The following FGGY variants were observed in gnomAD, a reference collection of about 807,000 sequenced individuals.
FGGY encodes FGGY carbohydrate kinase domain-containing protein.
A neutral mutation model predicts 71.3 loss-of-function variants in FGGY; 72 were observed. The observed-to-expected ratio is 1.01, with a 90% confidence interval of 0.84 to 1.23. The LOEUF is 1.23. Among genes scored for constraint, FGGY ranks in the 50% most tolerant of loss-of-function variants. The pLI, the probability that FGGY is intolerant of heterozygous loss-of-function variation, is 0.00. For missense variants in FGGY, 668 were observed against 682.3 expected, an observed-to-expected ratio of 0.98 and a Z score of 0.23; for synonymous variants, 251 against 250.3, an observed-to-expected ratio of 1.00 and a Z score of -0.02.
Position 59,408,484 on chromosome 1 carries a change from A to G in FGGY, c.554+29647A>G, listed in dbSNP as rs188981243. 3.3e-3 allele frequency among the ~76,000 whole-genome samples: 510 copies of G among 152,272 alleles called. 1 individual carries two copies. The highest frequency in any genetic ancestry group is 0.011 in the African/African-American group (476 of 41,556). On this transcript the variant is annotated intron_variant, in intron 5 of 15. Coordinates refer to ENST00000303721, the MANE Select transcript of FGGY (RefSeq NM_018291.5). ...AAACATAACAGCATTTCAAAGGCTT[A>G]TCTTAGCTATTCTTATTCATACCTG...
chr1:59,326,703 C>G (rs1157446965), intron 2 of FGGY, among the ~76,000 whole-genome samples: 2 of 152,018 alleles, frequency 1.3e-5, no homozygotes, highest in Non-Finnish European at 2.9e-5. Context: ...TTTCTTTTCT[C>G]TATTCTTGCA....
intron 9 of FGGY, among the ~76,000 whole-genome samples, chr1:59,625,476 T>C (rs1447207015): frequency 6.6e-6 from 1 of 151,954 alleles, no homozygotes; most frequent in Non-Finnish European, 1.5e-5. Flanking sequence ...TAACTGAGAG[T>C]TTCAAAAAAT....
intron 11 of FGGY, among the ~76,000 whole-genome samples, chr1:59,659,394 T>C (rs1035697996): frequency 1.3e-5 from 2 of 152,222 alleles, no homozygotes; most frequent in African/African-American, 4.8e-5. Flanking sequence ...TGTCCATACC[T>C]GGTTGAGCTC....
chr1:59,579,168 G>A (rs1002988670), intron 8 of FGGY, among the ~76,000 whole-genome samples: 7 of 152,124 alleles, frequency 4.6e-5, no homozygotes, highest in East Asian at 1.9e-4. Flanking sequence ...GCACAGCTGC[G>A]CCCTCCCTTC....
intron 6 of FGGY, among the ~76,000 whole-genome samples, chr1:59,498,508 C>T (rs1433576649): frequency 6.6e-6 from 1 of 152,064 alleles, no homozygotes; most frequent in Non-Finnish European, 1.5e-5. Flanking sequence ...TTCAGAAGCT[C>T]CCTAGGTGAC....
At chr1:59,387,943 C>T (rs1004880947) in intron 5 of FGGY, among the ~76,000 whole-genome samples, 1 of 152,170 alleles carries the variant, frequency 6.6e-6, no homozygotes. Context: ...GGGCCACTCA[C>T]TCTTTCTTGC....
At chr1:59,648,604 T>C (rs1277504744) in intron 11 of FGGY, among the ~76,000 whole-genome samples, 2 of 149,358 alleles carry the variant, frequency 1.3e-5, no homozygotes, top group East Asian at 1.9e-4. Context: ...TTGTTTGTTT[T>C]TTTCTTGTAA....
chr1:59,584,853 A>G (rs1325388791), intron 8 of FGGY, among the ~76,000 whole-genome samples: 9 of 150,062 alleles, frequency 6.0e-5, no homozygotes, highest in African/African-American at 2.0e-4. Flanking sequence ...TGCAAAAATC[A>G]CAAGCATTCT....
Position 59,503,307 on chromosome 1 carries a change from T to C in FGGY, c.671-9004T>C, listed in dbSNP as rs1320563221. Among the ~76,000 whole-genome samples the C allele has an allele frequency of 4.6e-5, 7 of 152,122 alleles. No individual in the cohort carries two copies. The East Asian group carries it at 1.2e-3, about 25-fold the overall frequency. On this transcript the variant is annotated intron_variant, in intron 6 of 15. Transcript: ENST00000303721. Reference sequence around the variant, plus strand: ...AAGAAGAGCAGTGACTAAAAGCTCATAGGTTTTGATAAATGGGCACTATTA... The same window carrying C: ...AAGAAGAGCAGTGACTAAAAGCTCACAGGTTTTGATAAATGGGCACTATTA...
At chr1:59,592,913 T>C (rs1054505530) in intron 8 of FGGY, among the ~76,000 whole-genome samples, 1 of 152,098 alleles carries the variant, frequency 6.6e-6, no homozygotes, top group African/African-American at 2.4e-5. Flanking sequence ...TGTGCACATG[T>C]ACCCTAGAAC....
At chr1:59,367,707 A>G (rs1453127538) in intron 4 of FGGY, among the ~76,000 whole-genome samples, 2 of 152,154 alleles carry the variant, frequency 1.3e-5, no homozygotes, top group Non-Finnish European at 2.9e-5. Context: ...AAGCAGCAGA[A>G]ACCTCACAGC....
rs188168027 is a variant in FGGY at position 59,465,935 on chromosome 1, G to A, written c.670+8859G>A. ...CATGAAAATTGCCATACTGCCCAAG[G>A]TAATTTATAGATTCCATGCCATTCC... On this transcript the variant is annotated intron_variant, in intron 6 of 15. Coordinates refer to ENST00000303721, the MANE Select transcript of FGGY (RefSeq NM_018291.5). Among the ~76,000 whole-genome samples, 142 of 152,158 alleles carry A rather than the reference G, an allele frequency of 9.3e-4. 1 individual carries two copies. The highest frequency in any genetic ancestry group is 3.2e-3 in the African/African-American group (131 of 41,514).
chr1:59,297,335 G>T lies in FGGY; in HGVS notation c.-15+185G>T, dbSNP rs529712971. ...AGGACATTTTCCTGGCATTTGAGGA[G>T]CCTTTAATTCACGTCTGGCTACCGA... On this transcript the variant is annotated intron_variant, in intron 1 of 15. Transcript: ENST00000303721. 8.5e-5 allele frequency among the ~76,000 whole-genome samples: 13 copies of T among 152,320 alleles called. No homozygotes were observed. In the East Asian group the frequency reaches 2.5e-3, roughly 29 times the overall value.
intron 7 of FGGY, among the ~76,000 whole-genome samples, chr1:59,533,511 G>T (rs61787021): frequency 0.17 from 25,730 of 152,094 alleles, 2,608 homozygotes; most frequent in South Asian, 0.34. Context: ...AGCTCAAGGA[G>T]GCCTGCCTGC....
chr1:59,588,354 A>G (rs1246294047), intron 8 of FGGY, among the ~76,000 whole-genome samples: 1 of 152,056 alleles, frequency 6.6e-6, no homozygotes, highest in Non-Finnish European at 1.5e-5. Context: ...AATGGAACCA[A>G]GTTGAAAAAC....
At chr1:59,505,897 G>A (rs964503651) in intron 6 of FGGY, among the ~76,000 whole-genome samples, 2 of 152,056 alleles carry the variant, frequency 1.3e-5, no homozygotes, top group South Asian at 2.1e-4. Context: ...AGGAGCCCCC[G>A]CCTGTGAAGA....
At chr1:59,476,225 A>G (rs911736102) in intron 6 of FGGY, among the ~76,000 whole-genome samples, 2 of 152,238 alleles carry the variant, frequency 1.3e-5, no homozygotes, top group African/African-American at 4.8e-5. Context: ...CTCCAGCAGT[A>G]TTCTGTTTCC....
intron 14 of FGGY, among the ~76,000 whole-genome samples, chr1:59,748,727 A>G (rs1482167224): frequency 6.6e-6 from 1 of 152,164 alleles, no homozygotes; most frequent in East Asian, 1.9e-4. Flanking sequence ...CACAGCTTCT[A>G]AAATTCTTGG....
intron 7 of FGGY, among the ~76,000 whole-genome samples, chr1:59,537,829 C>T (rs1208985111): frequency 1.3e-5 from 2 of 152,102 alleles, no homozygotes; most frequent in Non-Finnish European, 2.9e-5. Context: ...TTCCTTACAC[C>T]TTATACAAAA....
Sources: gnomAD v4.1 joint callset for allele counts (sites outside exome capture counted in the v4.1 genomes callset) on GRCh38, gnomAD v4.1.1 for gene constraint, MANE v1.5 for transcripts, NCBI Gene and HGNC (gene_info 2026-07-23, HGNC 2026-07-21) for gene names.